ZNF469: variants seen among roughly 807,000 people sequenced by gnomAD.
ZNF469 encodes zinc finger protein 469.
In ZNF469, 1 loss-of-function variant was observed where a neutral mutation model predicts 1.0. The ratio of observed to expected loss-of-function variants is 1.00; its 90% confidence interval spans 0.35 to 4.73. ZNF469 has a LOEUF of 4.73. Ranked by LOEUF, ZNF469 falls within the 30% of genes most tolerant of loss-of-function variation. ZNF469 has a pLI of 0.16. For missense variants in ZNF469, 6,100 were observed against 5,356.3 expected, an observed-to-expected ratio of 1.14 and a Z score of -4.33; for synonymous variants, 2,703 against 2,363.4, an observed-to-expected ratio of 1.14 and a Z score of -4.17.
At chr16:88,104,376 G>T in the ZNF469 span, among the ~76,000 whole-genome samples, 34 of 152,154 alleles carry the variant, frequency 2.2e-4, no homozygotes, top group Non-Finnish European at 3.7e-4. Context: ...TATCAACTTG[G>T]AAATTTTCAT....
At chr16:88,193,462 G>T in the ZNF469 span, 1 of 152,276 alleles carries the variant, frequency 6.6e-6, no homozygotes, top group East Asian at 1.9e-4. Context: ...ACTTCGGAAG[G>T]CTGAGGCTGG....
At chr16:88,191,285 C>T in the ZNF469 span, among the ~76,000 whole-genome samples, 4 of 152,138 alleles carry the variant, frequency 2.6e-5, no homozygotes, top group South Asian at 2.1e-4. Context: ...GAAGGGCACC[C>T]GAGGTTCCAG....
At chr16:88,349,578 G>T in the ZNF469 span, among the ~76,000 whole-genome samples, 1 of 140,320 alleles carries the variant, frequency 7.1e-6, no homozygotes, top group African/African-American at 2.7e-5. Flanking sequence ...CACACACCAA[G>T]CACAATACAC....
chr16:88,256,870 T>C, the ZNF469 span, among the ~76,000 whole-genome samples: 280 of 141,596 alleles, frequency 2.0e-3, 5 homozygotes, highest in African/African-American at 6.5e-3. Context: ...TTCCTTCCTT[T>C]CTTTCTTTTC....
the ZNF469 span, among the ~76,000 whole-genome samples, chr16:88,330,754 T>G: frequency 2.0e-5 from 3 of 152,198 alleles, no homozygotes; most frequent in Non-Finnish European, 4.4e-5. Flanking sequence ...GGCTGCACAC[T>G]GAGTGACAGG....
At chr16:88,226,575 G>T in the ZNF469 span, among the ~76,000 whole-genome samples, 1 of 152,106 alleles carries the variant, frequency 6.6e-6, no homozygotes, top group Non-Finnish European at 1.5e-5. Flanking sequence ...CTAGTCTGTG[G>T]CCCTTTCTTA....
Position 88,431,948 on chromosome 16 carries a change from C to T in ZNF469, c.4478C>T (p.Pro1493Leu), listed in dbSNP as rs369382753. The change falls in exon 3 of 3, where the codon CCG becomes CTG. Residue 1493 changes from proline (P) to leucine (L), a missense_variant. Pro to Leu is a moderately conservative substitution (Grantham distance 98). Transcript: ENST00000565624. ...ACADPPQKTV[P>L]SDPPYPSFLL... ...GCCGACCCTCCCCAGAAGACGGTGC[C>T]GTCAGATCCACCGTACCCCTCTTTT... 7.8e-5 allele frequency: 121 copies of T among 1,549,280 alleles called. No homozygotes were observed. The highest frequency in any genetic ancestry group is 1.2e-4 in the East Asian group (5 of 40,916).
chr16:88,267,597 C>T, the ZNF469 span, among the ~76,000 whole-genome samples: 4 of 152,182 alleles, frequency 2.6e-5, no homozygotes, highest in Non-Finnish European at 5.9e-5. Context: ...TTCTGTGTTC[C>T]TCCCTCTGGG....
chr16:88,180,380 T>C, the ZNF469 span, among the ~76,000 whole-genome samples: 1 of 152,162 alleles, frequency 6.6e-6, no homozygotes, highest in East Asian at 1.9e-4. Flanking sequence ...TTCTGAACTA[T>C]TAAAAGAAAG....
At chr16:88,188,558 G>C in the ZNF469 span, among the ~76,000 whole-genome samples, 2 of 152,178 alleles carry the variant, frequency 1.3e-5, no homozygotes, top group Non-Finnish European at 2.9e-5. Context: ...CAGAGCATCT[G>C]AATCTCTGGG....
chr16:88,166,423 A>T, the ZNF469 span, among the ~76,000 whole-genome samples: 1 of 152,066 alleles, frequency 6.6e-6, no homozygotes, highest in Non-Finnish European at 1.5e-5. This position sits in a 1 kb window ranked among gnomAD's most constrained non-coding sequence, Gnocchi z 4.5. Flanking sequence ...TTTTAAGTGA[A>T]ATTTCCATGC....
Position 88,429,607 on chromosome 16 carries a change from C to A in ZNF469, c.2137C>A (p.Pro713Thr), listed in dbSNP as rs1478897158. 6 of 1,548,190 alleles carry A rather than the reference C, an allele frequency of 3.9e-6. No individual in the cohort carries two copies. The East Asian group carries it at 1.5e-4, about 38-fold the overall frequency. The part of the protein sequence containing the change: ...QGFPRAPPPY[P>T]THHFSLSSAS... ...CTTCCCCCGTGCGCCGCCTCCGTAC[C>A]CCACACACCACTTCTCCCTCAGCAG... The change falls in exon 3 of 3, where the codon CCC becomes ACC. Residue 713 changes from proline to threonine, a missense_variant. Pro to Thr is a conservative substitution (Grantham distance 38, BLOSUM62 -1). Transcript: ENST00000565624.
At chr16:88,351,843 T>A in the ZNF469 span, among the ~76,000 whole-genome samples, 1 of 152,198 alleles carries the variant, frequency 6.6e-6, no homozygotes, top group Admixed American at 6.5e-5. Context: ...CACTGGGAAA[T>A]GACAAGTGGT....
At chr16:88,349,806 C>CTA in the ZNF469 span, among the ~76,000 whole-genome samples, 1 of 4,360 alleles carries the variant, frequency 2.3e-4, no homozygotes, top group Non-Finnish European at 5.2e-4. Flanking sequence ...GCACATTACA[C>CTA]ACATCACAAA....
upstream of ZNF469, among the ~76,000 whole-genome samples, chr16:88,379,912 C>T (rs73255418): frequency 0.025 from 3,741 of 152,268 alleles, 180 homozygotes; most frequent in African/African-American, 0.085. Context: ...GGAGTGGGTA[C>T]AGGGTCATCC....
the ZNF469 span, among the ~76,000 whole-genome samples, chr16:88,166,323 C>A: frequency 3.3e-5 from 5 of 152,138 alleles, no homozygotes; most frequent in African/African-American, 1.2e-4. The surrounding 1 kb of genome is among the most constrained non-coding windows in gnomAD (Gnocchi z 4.5). Context: ...TTTTTGGATC[C>A]ATTTCAGAAA....
chr16:88,247,685 ATGAGTGAG>A, the ZNF469 span, among the ~76,000 whole-genome samples: 1 of 151,462 alleles, frequency 6.6e-6, no homozygotes, highest in Non-Finnish European at 1.5e-5. Context: ...GAATGACTGA[ATGAGTGAG>A]TGAGTGAGTG....
chr16:88,263,617 G>C, the ZNF469 span, among the ~76,000 whole-genome samples: 26 of 152,282 alleles, frequency 1.7e-4, no homozygotes, highest in African/African-American at 5.8e-4. Flanking sequence ...TTTGCTGAGA[G>C]GCTCAGAAGG....
the ZNF469 span, among the ~76,000 whole-genome samples, chr16:88,135,494 C>T: frequency 3.9e-4 from 59 of 152,320 alleles, no homozygotes; most frequent in African/African-American, 1.4e-3. Context: ...GGGCAGGGGC[C>T]ATCTCATGGG....
Sources: gnomAD v4.1 joint callset for allele counts (sites outside exome capture counted in the v4.1 genomes callset) on GRCh38, gnomAD v4.1.1 for gene constraint, Gnocchi (gnomAD v3.1) non-coding constraint, MANE v1.5 for transcripts, NCBI Gene and HGNC (gene_info 2026-07-23, HGNC 2026-07-21) for gene names.